CACNA1S: variants seen among roughly 807,000 people sequenced by gnomAD.
CACNA1S encodes calcium voltage-gated channel subunit alpha1 S.
CACNA1S carries 126 observed loss-of-function variants against 207.4 expected under a neutral mutation model. That is an observed-to-expected ratio of 0.61 (90% confidence interval 0.53 to 0.70). CACNA1S has a LOEUF of 0.70. Ranked by LOEUF, CACNA1S falls within the 30% of genes least tolerant of loss-of-function variation. CACNA1S has a pLI of 0.00. For missense variants in CACNA1S, 2,349 were observed against 2,422.8 expected (o/e 0.97, Z 0.64); for synonymous variants, 960 against 932.7 (o/e 1.03, Z -0.53).
rs201418418 is a variant in CACNA1S at position 201,112,160 on chromosome 1, C to A, written c.152+28G>T. The stretch of plus-strand genomic sequence containing the variant: ...ATCCCTCCCTCATGACGCACACCCC[C>A]CCCCACGGCCCGGGCCCTGAAGGAT... On this transcript the variant is annotated intron_variant, in intron 1 of 43. Coordinates refer to ENST00000362061, the MANE Select transcript of CACNA1S (RefSeq NM_000069.3). 310 of 1,606,090 alleles carry A rather than the reference C, an allele frequency of 1.9e-4. 1 individual carries two copies. Among genetic ancestry groups the A allele is most frequent in the South Asian group, 3.6e-4 (33 of 90,854 alleles).
At position 201,039,729 on chromosome 1, in the gene CACNA1S, G is replaced by T; in HGVS notation, c.*102C>A. 1 of 1,507,682 alleles carries T rather than the reference G, an allele frequency of 6.6e-7. No individual in the cohort carries two copies. Among genetic ancestry groups the T allele is most frequent in the Non-Finnish European group, 9.1e-7 (1 of 1,099,384 alleles). 93.4% of individuals were successfully genotyped at this position (1,507,682 alleles called of 1,614,324 possible). ...AGGCCATGCATCTAGCTGCTGAGAG[G>T]GAGGGAGGCTGCTGCGGTGGGCTAG... On this transcript the variant is annotated 3_prime_UTR_variant, in exon 44 of 44. Coordinates refer to ENST00000362061, the MANE Select transcript of CACNA1S (RefSeq NM_000069.3).
intron 28 of CACNA1S, among the ~76,000 whole-genome samples, chr1:201,057,320 C>A (rs899234127): frequency 6.6e-6 from 1 of 152,232 alleles, no homozygotes; most frequent in Admixed American, 6.5e-5. Context: ...AACACTCTGG[C>A]CCCCGTTCTG....
intron 35 of CACNA1S, 73 bp from the exon 36 acceptor site, chr1:201,048,757 T>G (rs2102555225): frequency 7.4e-7 from 1 of 1,353,446 alleles, no homozygotes; most frequent in Middle Eastern, 1.9e-4. Context: ...CCTCACCCGG[T>G]CTGTGGACCG....
At chr1:201,087,619 G>A (rs1662078164) in intron 7 of CACNA1S, among the ~76,000 whole-genome samples, 1 of 152,030 alleles carries the variant, frequency 6.6e-6, no homozygotes, top group Admixed American at 6.5e-5. Flanking sequence ...GCCCAACTGA[G>A]ATGACAGGGA....
intron 4 of CACNA1S, 23 bp downstream of exon 4, chr1:201,091,949 T>C (rs773352217): frequency 6.2e-7 from 1 of 1,613,282 alleles, no homozygotes; most frequent in East Asian, 2.2e-5. Context: ...GAGAAAGGGG[T>C]CTGCAGGGAC....
chr1:201,045,555 C>T (rs1350911589), intron 38 of CACNA1S, among the ~76,000 whole-genome samples: 2 of 151,616 alleles, frequency 1.3e-5, no homozygotes, highest in Non-Finnish European at 2.9e-5. Context: ...GCCAGCATAG[C>T]GAAACCCCAT....
In CACNA1S at chr1:201,070,404, C is replaced by T; in HGVS notation, c.2228G>A (p.Gly743Glu). The change falls in exon 17 of 44, where the codon GGG becomes GAG. Residue 743 changes from glycine to glutamate, a missense_variant and splice_region_variant. Gly to Glu is a moderately conservative substitution (Grantham distance 98). Transcript: ENST00000362061. ...CTCAGGCTCATCTTCCTCGTCATCC[C>T]CTGTGGGGAGAGAGAGAGGAATTAG... ...KDPYPSADFP[G>E]DDEEDEPEIP... 2 of 1,613,866 alleles carry T rather than the reference C, an allele frequency of 1.2e-6. No individual in the cohort carries two copies. The highest frequency in any genetic ancestry group is 1.7e-6 in the Non-Finnish European group (2 of 1,179,934).
At chr1:201,106,341 C>A (rs1662884636) in intron 2 of CACNA1S, among the ~76,000 whole-genome samples, 2 of 152,142 alleles carry the variant, frequency 1.3e-5, no homozygotes, top group Non-Finnish European at 2.9e-5. Context: ...CACGTCACCC[C>A]AATCCATGCT....
In CACNA1S at chr1:201,061,199, C is replaced by G. The variant is rs540407415; in HGVS notation, c.3255+68G>C. On this transcript the variant is annotated intron_variant, in intron 25 of 43. Transcript: ENST00000362061. ...TTAGGCCTCTCTTCCCTGGCTGAAC[C>G]TAGGGCTTGGGCCAGCAGGAGGCCT... 1.5e-5 allele frequency: 21 copies of G among 1,444,086 alleles called. No homozygotes were observed. In the African/African-American group the frequency reaches 2.7e-4, roughly 18 times the overall value. The allele number at this position is 1,444,086 out of a possible 1,614,324, so 89.5% of individuals were successfully genotyped here.
intron 11 of CACNA1S, 126 bp from the exon 12 acceptor site, chr1:201,077,253 C>G (rs1307577503): frequency 1.9e-5 from 14 of 744,562 alleles, no homozygotes; most frequent in Non-Finnish European, 3.3e-5. Context: ...TGCCTCACTG[C>G]TGGAAGACCC....
At chr1:201,072,973 T>C (rs957193948) in intron 15 of CACNA1S, 149 bp from the exon 16 acceptor site, 50 of 764,600 alleles carry the variant, frequency 6.5e-5, no homozygotes, top group Non-Finnish European at 4.2e-5. Context: ...ATCCCCATTT[T>C]ACAAATGAGA....
intron 13 of CACNA1S, 66 bp downstream of exon 13, chr1:201,075,429 C>A: frequency 6.2e-7 from 1 of 1,604,084 alleles, no homozygotes; most frequent in Non-Finnish European, 8.5e-7. Context: ...CCTTGACCCC[C>A]ATTTTAAGCC....
chr1:201,052,025 C>T (rs780585083), intron 32 of CACNA1S, among the ~76,000 whole-genome samples: 1 of 152,162 alleles, frequency 6.6e-6, no homozygotes, highest in African/African-American at 2.4e-5. Flanking sequence ...TAGAGCATTC[C>T]ACTGTGGGCC....
At chr1:201,103,409 C>T (rs1037042143) in intron 2 of CACNA1S, among the ~76,000 whole-genome samples, 3 of 152,210 alleles carry the variant, frequency 2.0e-5, no homozygotes, top group Admixed American at 6.5e-5. Flanking sequence ...GCTAGCAAAG[C>T]TTGGGCAAAG....
intron 1 of CACNA1S, 24 bp downstream of exon 1, chr1:201,112,164 C>CA (rs766053180): frequency 6.3e-6 from 10 of 1,597,678 alleles, no homozygotes; most frequent in South Asian, 4.4e-5. Flanking sequence ...CACCCCCCCC[C>CA]ACGGCCCGGG....
At chr1:201,042,147 GT>G (rs931201754) in intron 40 of CACNA1S, among the ~76,000 whole-genome samples, 20 of 152,012 alleles carry the variant, frequency 1.3e-4, no homozygotes, top group Non-Finnish European at 1.9e-4. Flanking sequence ...GTTTTGTTTT[GT>G]TTTTTTGAGA....
rs770073633 is a variant in CACNA1S at position 201,070,363 on chromosome 1, G to C, written c.2269C>G (p.Arg757Gly). The change falls in exon 17 of 44, where the codon CGA (arginine) becomes GGA (glycine). Residue 757 changes from arginine (R) to glycine (G), a missense_variant. Coordinates refer to ENST00000362061, the MANE Select transcript of CACNA1S (RefSeq NM_000069.3). ...TGCAGCTCAGCCAGGGGACGTGGTC[G>C]GGGGCTCAGCGGGATCTCAGGCTCA... ...EDEPEIPLSPRPRPLAELQLK... is the reference protein window; with the variant it reads ...EDEPEIPLSPGPRPLAELQLK... The C allele has an allele frequency of 1.2e-6, 2 of 1,614,054 alleles. No homozygotes were observed. Among genetic ancestry groups the C allele is most frequent in the East Asian group, 2.2e-5 (1 of 44,884 alleles).
chr1:201,103,410 T>C (rs1327728846), intron 2 of CACNA1S, among the ~76,000 whole-genome samples: 2 of 152,126 alleles, frequency 1.3e-5, no homozygotes, highest in East Asian at 1.9e-4. Flanking sequence ...CTAGCAAAGC[T>C]TGGGCAAAGG....
In CACNA1S at chr1:201,044,334, T is replaced by C; in HGVS notation, c.4791A>G (p.Ile1597Met). The C allele has an allele frequency of 6.2e-7, 1 of 1,613,410 alleles. No homozygotes were observed. Among genetic ancestry groups the C allele is most frequent in the Non-Finnish European group, 8.5e-7 (1 of 1,179,618 alleles). ...AMVEAAMEEG[I>M]FRRTGGLFGQ... ...GCTCCTGGCTCTCCCTCACCCGGAA[T>C]ATTCCCTCCTCCATCGCAGCCTCCA... Residue 1597 changes from isoleucine to methionine, a missense_variant, in exon 39 of 44, where the codon ATA becomes ATG. By Grantham distance (10) the Ile-to-Met change is conservative (BLOSUM62 1). Coordinates refer to ENST00000362061, the MANE Select transcript of CACNA1S (RefSeq NM_000069.3).
Sources: gnomAD v4.1 joint callset for allele counts (sites outside exome capture counted in the v4.1 genomes callset) on GRCh38, gnomAD v4.1.1 for gene constraint, MANE v1.5 for transcripts, NCBI Gene and HGNC (gene_info 2026-07-23, HGNC 2026-07-21) for gene names.